The following ATG2A variants were observed in gnomAD, a reference collection of about 807,000 sequenced individuals.
ATG2A encodes autophagy-related protein 2 homolog A.
Under a neutral mutation model 214.2 loss-of-function variants are expected in ATG2A, and 103 were observed. That is an observed-to-expected ratio of 0.48 (90% CI 0.41 to 0.57). The LOEUF (loss-of-function observed/expected upper bound fraction) is 0.57. ATG2A is among the 20% of genes least tolerant of loss of function. ATG2A has a pLI of 0.00. For missense variants in ATG2A, 2,312 were observed against 2,613.2 expected (o/e 0.88, Z 2.51); for synonymous variants, 1,160 against 1,142.1 (o/e 1.02, Z -0.32).
In ATG2A at chr11:64,913,098, G is replaced by A. The variant is rs749087701; in HGVS notation, c.765C>T (p.Cys255=). 7 of 1,576,202 alleles carry A rather than the reference G, an allele frequency of 4.4e-6. No individual in the cohort carries two copies. Among genetic ancestry groups the A allele is most frequent in the Non-Finnish European group, 5.2e-6 (6 of 1,158,344 alleles). The part of the protein sequence containing the change: ...PPEPPLQIGS[C]SGYMELMVKL... ...TCACCATCAGCTCCATGTACCCTGA[G>A]CAGCTGCCGATCTGCAAGGGGGGCT... Residue 255 remains cysteine (C), a synonymous_variant, in exon 6 of 41, where the codon TGC becomes TGT. Transcript: ENST00000377264. This position sits in a 1 kb window ranked among gnomAD's most constrained non-coding sequence, Gnocchi z 4.3.
intron 24 of ATG2A, among the ~76,000 whole-genome samples, 181 bp downstream of exon 24, chr11:64,905,382 T>C (rs150287153): frequency 1.6e-4 from 25 of 152,232 alleles, no homozygotes; most frequent in Admixed American, 1.4e-3. Context: ...CACAAATGCT[T>C]ATAAGGGTCT....
intron 39 of ATG2A, 102 bp downstream of exon 39, chr11:64,896,360 C>T: frequency 6.9e-7 from 1 of 1,451,270 alleles, no homozygotes; most frequent in Non-Finnish European, 9.2e-7. Context: ...CATACCCAGA[C>T]TGCCCACTCT....
Position 64,909,830 on chromosome 11 carries a change from C to T in ATG2A, c.1958G>A (p.Arg653Gln), listed in dbSNP as rs777036368. 45 of 1,610,684 alleles carry T rather than the reference C, an allele frequency of 2.8e-5. No homozygotes were observed. The highest frequency in any genetic ancestry group is 6.7e-5 in the Admixed American group (4 of 59,946). The stretch of plus-strand genomic sequence containing the variant: ...GCCCGCCCAGGGGTCCGGCTCAGGC[C>T]GCAGGTCGGCAATGGGGAAGCGCAG... ...LRLRFPIADL[R>Q]PEPDPWAGQA... Residue 653 changes from arginine to glutamine, a missense_variant, in exon 14 of 41, where the codon CGG becomes CAG. Coordinates refer to ENST00000377264, the MANE Select transcript of ATG2A (RefSeq NM_015104.3).
intron 7 of ATG2A, 32 bp from the exon 8 acceptor site, chr11:64,912,281 C>T: frequency 1.2e-6 from 2 of 1,608,362 alleles, no homozygotes; most frequent in Non-Finnish European, 1.7e-6. Context: ...TCTGGGCTGG[C>T]TGGCCCTCCC....
chr11:64,916,038 CT>C (rs1303945973), intron 1 of ATG2A, among the ~76,000 whole-genome samples: 1 of 152,214 alleles, frequency 6.6e-6, no homozygotes, highest in Non-Finnish European at 1.5e-5. Context: ...AGCCACAAAA[CT>C]GAGAAGTCCC....
rs549487491 is a variant in ATG2A, at chr11:64,906,229, C to G, written c.3184-36G>C. 6 of 1,609,650 alleles carry G rather than the reference C, an allele frequency of 3.7e-6. No homozygotes were observed. The Admixed American group carries it at 5.0e-5, about 13-fold the overall frequency. Reference sequence around the variant, plus strand: ...GGGCGCAGTCAGGGCAGTGGGGAGGCCAGCCCCACCGTGCACTGGGGCCTC... The same window carrying G: ...GGGCGCAGTCAGGGCAGTGGGGAGGGCAGCCCCACCGTGCACTGGGGCCTC... On this transcript the variant is annotated intron_variant, in intron 21 of 40. Coordinates refer to ENST00000377264, the MANE Select transcript of ATG2A (RefSeq NM_015104.3).
At position 64,907,592 on chromosome 11, in the gene ATG2A, C is replaced by A. The variant is rs774798745; in HGVS notation, c.2580G>T (p.Ser860=). Residue 860 remains serine, a synonymous_variant, in exon 18 of 41, where the codon TCG becomes TCT. Coordinates refer to ENST00000377264, the MANE Select transcript of ATG2A (RefSeq NM_015104.3). ...LPTPDPAAQP[S]GFPGPSGFWH... ...AGAAGCCTGAGGGGCCGGGGAAGCCCGAGGGCTGGGCGGCGGGGTCGGGGG... is the reference window on the plus strand; with the variant it reads ...AGAAGCCTGAGGGGCCGGGGAAGCCAGAGGGCTGGGCGGCGGGGTCGGGGG... 4 of 1,597,274 alleles carry A rather than the reference C, an allele frequency of 2.5e-6. No individual in the cohort carries two copies. Among genetic ancestry groups the A allele is most frequent in the Non-Finnish European group, 3.4e-6 (4 of 1,173,368 alleles).
chr11:64,914,247 CAG>C lies in ATG2A; in HGVS notation c.335-16_335-15del. 1.9e-6 allele frequency: 3 copies of C among 1,551,416 alleles called. No homozygotes were observed. Among genetic ancestry groups the C allele is most frequent in the Admixed American group, 3.9e-5 (2 of 51,332 alleles). On this transcript the variant is annotated splice_polypyrimidine_tract_variant and intron_variant, in intron 2 of 40. Transcript: ENST00000377264. ...CAGCCCCTGGCGCTGTAGGGAGAAA[CAG>C]GGTCTCAAGGCAGGCAGGCCCAGTC...
Position 64,914,518 on chromosome 11 carries a change from A to C in ATG2A, c.172-18T>G. On this transcript the variant is annotated intron_variant, in intron 1 of 40. Transcript: ENST00000377264. ...TTCACAGACTGGGAGCAAGCAAGAG[A>C]CAAAACCAGCTCAGGGAAACCCCAA... 1.9e-6 allele frequency: 3 copies of C among 1,609,528 alleles called. No individual in the cohort carries two copies. Among genetic ancestry groups the C allele is most frequent in the Non-Finnish European group, 2.5e-6 (3 of 1,178,320 alleles).
intron 29 of ATG2A, 102 bp from the exon 30 acceptor site, chr11:64,901,194 TTA>T: frequency 8.2e-7 from 1 of 1,225,838 alleles, no homozygotes; most frequent in Non-Finnish European, 1.1e-6. Context: ...TTTTTTTTTT[TTA>T]TAGACAGGGT....
At position 64,906,108 on chromosome 11, in the gene ATG2A, C is replaced by T. The variant is rs745811794; in HGVS notation, c.3264+5G>A. 1 of 1,570,760 alleles carries T rather than the reference C, an allele frequency of 6.4e-7. No homozygotes were observed. On this transcript the variant is annotated splice_donor_5th_base_variant and intron_variant, in intron 22 of 40. Transcript: ENST00000377264. The stretch of plus-strand genomic sequence containing the variant: ...GCCATGTGGCTTCCCACCACCCACG[C>T]TCACCTGGGAATGCCAGCTCTGCTC...
chr11:64,917,084 G>A lies in ATG2A; in HGVS notation c.52C>T (p.Arg18Cys). ...CCTAAGTAGTGGTGCAGCAAGTAGC[G>A]GCAGACCCGCTCTTTCACACAGTTT... ...WSNCVKERVCRYLLHHYLGHF... is the reference protein window; with the variant it reads ...WSNCVKERVCCYLLHHYLGHF... The change falls in exon 1 of 41, where the codon CGC becomes TGC. Residue 18 changes from arginine to cysteine, a missense_variant. Physicochemically the swap from Arg to Cys is radical, Grantham distance 180. Transcript: ENST00000377264. The A allele has an allele frequency of 1.2e-6, 2 of 1,613,474 alleles. No homozygotes were observed. Among genetic ancestry groups the A allele is most frequent in the Non-Finnish European group, 1.7e-6 (2 of 1,179,968 alleles).
Position 64,907,512 on chromosome 11 carries a change from G to A in ATG2A, c.2647+13C>T. 1 of 1,612,636 alleles carries A rather than the reference G, an allele frequency of 6.2e-7. No homozygotes were observed. The highest frequency in any genetic ancestry group is 1.7e-4 in the Middle Eastern group (1 of 6,058). ...GGGTCCTCCCTCTAGCCCAGCGTTA[G>A]CACCTCTCATACCCAGCTTGAAGGC... is the stretch of plus-strand genomic sequence containing the variant. On this transcript the variant is annotated intron_variant, in intron 18 of 40. Transcript: ENST00000377264.
intron 36 of ATG2A, 71 bp from the exon 37 acceptor site, chr11:64,897,565 G>A: frequency 9.4e-6 from 15 of 1,600,980 alleles, no homozygotes; most frequent in Non-Finnish European, 1.2e-5. Flanking sequence ...GGAGCCACTG[G>A]AGAGCGCCCT....
At position 64,904,586 on chromosome 11, in the gene ATG2A, C is replaced by T. The variant is rs565256997; in HGVS notation, c.3465-926G>A. On this transcript the variant is annotated intron_variant, in intron 24 of 40. Transcript: ENST00000377264. ...AAAAAAGTCTTTATTTTAAGGGTAACATAATGAAAACTCCTTTAAGATATT... is the reference window on the plus strand; with the variant it reads ...AAAAAAGTCTTTATTTTAAGGGTAATATAATGAAAACTCCTTTAAGATATT... Among the ~76,000 whole-genome samples, 35 of 151,902 alleles carry T rather than the reference C, an allele frequency of 2.3e-4. 1 individual carries two copies. In the South Asian group the frequency reaches 7.3e-3, roughly 32 times the overall value.
At position 64,896,572 on chromosome 11, in the gene ATG2A, T is replaced by C; in HGVS notation, c.5317A>G (p.Arg1773Gly). 1.2e-6 allele frequency: 2 copies of C among 1,614,018 alleles called. No individual in the cohort carries two copies. Among genetic ancestry groups the C allele is most frequent in the Non-Finnish European group, 1.7e-6 (2 of 1,179,966 alleles). The change falls in exon 39 of 41, where the codon AGG becomes GGG. Residue 1773 changes from arginine (R) to glycine (G), a missense_variant. Arg to Gly is a moderately radical substitution (Grantham distance 125). Coordinates refer to ENST00000377264, the MANE Select transcript of ATG2A (RefSeq NM_015104.3). ...DLLWLPIEQY[R>G]KDGRLMRGLQ... ...CCCCGCATGAGGCGGCCATCCTTCCTGTACTGCTCAATGGGCAGCCACAGC... is the reference window on the plus strand; with the variant it reads ...CCCCGCATGAGGCGGCCATCCTTCCCGTACTGCTCAATGGGCAGCCACAGC...
In ATG2A at chr11:64,912,021, C is replaced by T. The variant is rs113177530; in HGVS notation, c.1088-39G>A. Reference sequence around the variant, plus strand: ...GAGGAGTGTCAGGGACAGCCGACCCCAGCCCCTAGGCTGCTGCACCCACAC... The same window carrying T: ...GAGGAGTGTCAGGGACAGCCGACCCTAGCCCCTAGGCTGCTGCACCCACAC... On this transcript the variant is annotated intron_variant, in intron 8 of 40. Transcript: ENST00000377264. 9.6e-3 allele frequency: 15,461 copies of T among 1,613,532 alleles called. 1,134 individuals are homozygous for T. The African/African-American group carries it at 0.17, about 18-fold the overall frequency.
Position 64,906,483 on chromosome 11 carries a change from C to A in ATG2A, c.3034G>T (p.Ala1012Ser), listed in dbSNP as rs765221636. The change falls in exon 21 of 41, where the codon GCT (alanine) becomes TCT (serine). Residue 1012 changes from alanine to serine, a missense_variant. Ala to Ser is a moderately conservative substitution (Grantham distance 99, BLOSUM62 1). Transcript: ENST00000377264. ...GTTGGGGCCAGCTGAGCCGGGGGAG[C>A]GAAACTGGGAAGGTCCAGGTGACTG... ...LPSHLDLPSF[A>S]PPAQLAPTIY... 5.6e-6 allele frequency: 9 copies of A among 1,613,142 alleles called. No individual in the cohort carries two copies. The East Asian group carries it at 1.8e-4, about 32-fold the overall frequency.
At chr11:64,916,856 C>G in intron 1 of ATG2A, 109 bp downstream of exon 1, 2 of 1,465,912 alleles carry the variant, frequency 1.4e-6, no homozygotes, top group Non-Finnish European at 1.8e-6. Flanking sequence ...ATTCCCCTGG[C>G]CTCTCTACGC....
Sources: gnomAD v4.1 joint callset for allele counts (sites outside exome capture counted in the v4.1 genomes callset) on GRCh38, gnomAD v4.1.1 for gene constraint, Gnocchi (gnomAD v3.1) non-coding constraint, MANE v1.5 for transcripts, NCBI Gene and HGNC (gene_info 2026-07-23, HGNC 2026-07-21) for gene names.